The following ZDHHC11B variants were observed in gnomAD, a reference collection of about 807,000 sequenced individuals.
ZDHHC11B encodes zDHHC palmitoyltransferase 11B (putative).
Under a neutral mutation model 42.3 loss-of-function variants are expected in ZDHHC11B, and 17 were observed. The observed-to-expected ratio is 0.40, with a 90% CI of 0.27 to 0.60. The LOEUF (loss-of-function observed/expected upper bound fraction) is 0.60. Among genes scored for constraint, ZDHHC11B ranks in the 20% least tolerant of loss-of-function variants. The pLI is 0.41. For missense variants in ZDHHC11B, 262 were observed against 463.2 expected, an observed-to-expected ratio of 0.57 and a Z score of 3.99; for synonymous variants, 123 against 193.5, an observed-to-expected ratio of 0.64 and a Z score of 3.02.
intron 4 of ZDHHC11B, among the ~76,000 whole-genome samples, chr5:760,055 A>T (rs1734389952): frequency 6.6e-6 from 1 of 151,852 alleles, no homozygotes; most frequent in African/African-American, 2.4e-5. Flanking sequence ...ATGGAGATCC[A>T]GGTGTGGAGT....
At chr5:762,644 C>G (rs79577608) in intron 4 of ZDHHC11B, among the ~76,000 whole-genome samples, 9,300 of 146,662 alleles carry the variant, frequency 0.063, 25 homozygotes, top group East Asian at 0.13. Context: ...TCTGTCTGTG[C>G]ATGCCCGGGT....
intron 12 of ZDHHC11B, among the ~76,000 whole-genome samples, chr5:717,266 G>A (rs1213007573): frequency 5.9e-5 from 9 of 151,664 alleles, no homozygotes; most frequent in East Asian, 1.9e-4. Flanking sequence ...TCTTGCTATC[G>A]TGGAGCCTTA....
rs368350743 is a variant in ZDHHC11B, at chr5:730,285, G to A, written c.1058+149C>T. 20 of 1,022,826 alleles carry A rather than the reference G, an allele frequency of 2.0e-5. No individual in the cohort carries two copies. In the African/African-American group the frequency reaches 2.3e-4, roughly 12 times the overall value. 63.4% of individuals were successfully genotyped at this position (1,022,826 alleles called of 1,614,324 possible). A position where few individuals can be genotyped will look rare whatever the true frequency, so the allele number is the denominator to read the frequency against. ...ATCAGTGCAATAAGCCACATGAATG[G>A]CTATAAATGTTCAGTGAAGCATTTC... On this transcript the variant is annotated intron_variant, in intron 12 of 13. Transcript: ENST00000508859.
At chr5:755,780 GC>G (rs1733723565) in intron 5 of ZDHHC11B, among the ~76,000 whole-genome samples, 185 bp downstream of exon 5, 1 of 75,350 alleles carries the variant, frequency 1.3e-5, no homozygotes, top group Non-Finnish European at 2.9e-5. Context: ...GGGCGGCCCG[GC>G]ACCGCGCCCG....
chr5:784,201 G>T (rs1473278734), intron 1 of ZDHHC11B, among the ~76,000 whole-genome samples: 2 of 148,648 alleles, frequency 1.3e-5, no homozygotes, highest in African/African-American at 5.1e-5. Flanking sequence ...ATCTCAAAAC[G>T]TGCTGCGGGC....
At chr5:779,143 G>C (rs567430044) in intron 1 of ZDHHC11B, among the ~76,000 whole-genome samples, 2 of 151,478 alleles carry the variant, frequency 1.3e-5, no homozygotes, top group African/African-American at 4.9e-5. Context: ...CAGTCGCCCT[G>C]AGGCTGGGGC....
intron 1 of ZDHHC11B, among the ~76,000 whole-genome samples, chr5:784,200 C>G (rs1209929837): frequency 2.0e-5 from 3 of 151,266 alleles, no homozygotes; most frequent in African/African-American, 7.3e-5. Context: ...GATCTCAAAA[C>G]GTGCTGCGGG....
At chr5:759,367 G>A (rs1325894855) in intron 4 of ZDHHC11B, among the ~76,000 whole-genome samples, 6 of 152,036 alleles carry the variant, frequency 3.9e-5, no homozygotes, top group East Asian at 1.9e-4. Flanking sequence ...GGCCCGGTGC[G>A]GTCACGTCTT....
At chr5:714,920 C>A (rs1277229568) in intron 13 of ZDHHC11B, among the ~76,000 whole-genome samples, 1 of 151,314 alleles carries the variant, frequency 6.6e-6, no homozygotes, top group African/African-American at 2.5e-5. Context: ...CTCTAACCAA[C>A]CCATGAGACC....
At chr5:770,007 T>C (rs2150230195) in intron 1 of ZDHHC11B, among the ~76,000 whole-genome samples, 1 of 151,984 alleles carries the variant, frequency 6.6e-6, no homozygotes, top group African/African-American at 2.4e-5. Flanking sequence ...GCACATGTCC[T>C]CCAACTCCAG....
chr5:746,579 G>C (rs1278211137), intron 8 of ZDHHC11B, among the ~76,000 whole-genome samples: 1 of 145,902 alleles, frequency 6.9e-6, no homozygotes, highest in Non-Finnish European at 1.5e-5. Context: ...GACAGACCAG[G>C]TCATCCCTCC....
chr5:776,435 A>C (rs1480217031), intron 1 of ZDHHC11B, among the ~76,000 whole-genome samples: 4 of 151,836 alleles, frequency 2.6e-5, no homozygotes, highest in East Asian at 1.9e-4. Flanking sequence ...GAAGCACAGG[A>C]ATGGCACAGC....
chr5:765,609 T>A (rs529059516), intron 4 of ZDHHC11B, among the ~76,000 whole-genome samples: 1 of 152,022 alleles, frequency 6.6e-6, no homozygotes, highest in South Asian at 2.1e-4. Context: ...CTGCTTGGGT[T>A]CTCTTCCACA....
chr5:778,008 G>A (rs1051105230), intron 1 of ZDHHC11B, among the ~76,000 whole-genome samples: 8 of 151,908 alleles, frequency 5.3e-5, no homozygotes, highest in South Asian at 2.1e-4. Flanking sequence ...TGAGCATGGC[G>A]CAGGCGGGCT....
At chr5:723,103 A>AC (rs1318366672) in intron 12 of ZDHHC11B, among the ~76,000 whole-genome samples, 2 of 78,400 alleles carry the variant, frequency 2.6e-5, no homozygotes, top group Non-Finnish European at 4.7e-5. Context: ...GATAAAGATG[A>AC]TTCAGACTCC....
chr5:750,865 C>G lies in ZDHHC11B; in HGVS notation c.628+268G>C, dbSNP rs1018412314. On this transcript the variant is annotated intron_variant, in intron 7 of 13. Transcript: ENST00000508859. ...GCGGAGGGCAGGGGCAGAGGTGGAC[C>G]CCACTGTCTCTCGCCTGACACGACC... Among the ~76,000 whole-genome samples, 10 of 126,348 alleles carry G rather than the reference C, an allele frequency of 7.9e-5. 3 individuals are homozygous for G. The highest frequency in any genetic ancestry group is 1.8e-4 in the Non-Finnish European group (10 of 56,682). The allele number at this position is 126,348 out of a possible 152,430, so 82.9% of individuals were successfully genotyped here.
chr5:724,967 C>T (rs1579254339), intron 12 of ZDHHC11B, among the ~76,000 whole-genome samples: 2 of 146,430 alleles, frequency 1.4e-5, no homozygotes, highest in African/African-American at 2.5e-5. Flanking sequence ...ACTTCTGGGC[C>T]TTTGTTGCTG....
chr5:761,459 C>T (rs1160083897), intron 4 of ZDHHC11B, among the ~76,000 whole-genome samples: 3 of 151,680 alleles, frequency 2.0e-5, no homozygotes, highest in African/African-American at 7.3e-5. Flanking sequence ...GGAGGCTGGG[C>T]CACAGCAGAA....
intron 13 of ZDHHC11B, 36 bp downstream of exon 13, chr5:716,765 A>G: frequency 3.1e-6 from 5 of 1,612,126 alleles, no homozygotes; most frequent in South Asian, 1.1e-5. Flanking sequence ...AAACTTGGGT[A>G]GATTTCAACA....
Sources: gnomAD v4.1 joint callset for allele counts (sites outside exome capture counted in the v4.1 genomes callset) on GRCh38, gnomAD v4.1.1 for gene constraint, MANE v1.5 for transcripts, NCBI Gene and HGNC (gene_info 2026-07-23, HGNC 2026-07-21) for gene names.